THSD4: variants seen among roughly 807,000 people sequenced by gnomAD.
THSD4 encodes the protein thrombospondin type-1 domain-containing protein 4.
Under a neutral mutation model 119.0 loss-of-function variants are expected in THSD4, and 69 were observed. The ratio of observed to expected loss-of-function variants is 0.58; its 90% CI spans 0.48 to 0.71. The LOEUF (loss-of-function observed/expected upper bound fraction) is 0.71, where lower values mean the gene tolerates loss of function less well. Ranked by LOEUF, THSD4 falls within the 30% of genes least tolerant of loss-of-function variation. THSD4 has a pLI of 0.00. For missense variants in THSD4, 1,393 were observed against 1,391.1 expected (o/e 1.00, Z -0.02); for synonymous variants, 524 against 540.4 (o/e 0.97, Z 0.42).
chr15:71,245,149 A>C (rs1028685906), intron 5 of THSD4, among the ~76,000 whole-genome samples: 3 of 152,104 alleles, frequency 2.0e-5, no homozygotes, highest in African/African-American at 4.8e-5. Flanking sequence ...GATGAAGGCA[A>C]AATAAAGCCT....
intron 6 of THSD4, among the ~76,000 whole-genome samples, chr15:71,296,043 G>A (rs1486790708): frequency 1.3e-5 from 2 of 149,888 alleles, no homozygotes; most frequent in East Asian, 1.9e-4. Context: ...TATGTCACAT[G>A]TTATTTATCT....
At chr15:71,350,042 C>G (rs951545202) in intron 6 of THSD4, among the ~76,000 whole-genome samples, 2 of 151,436 alleles carry the variant, frequency 1.3e-5, no homozygotes, top group African/African-American at 4.9e-5. Context: ...ATAATTAAAT[C>G]TCCATCTATA....
At chr15:71,379,521 C>T (rs997680957) in intron 6 of THSD4, among the ~76,000 whole-genome samples, 4 of 122,428 alleles carry the variant, frequency 3.3e-5, no homozygotes, top group African/African-American at 9.4e-5. Flanking sequence ...TGCAGTGGTG[C>T]GATCTCGGCT....
At chr15:71,439,013 T>A (rs8025799) in intron 7 of THSD4, among the ~76,000 whole-genome samples, 2,664 of 152,276 alleles carry the variant, frequency 0.017, 84 homozygotes, top group African/African-American at 0.06. Flanking sequence ...GTAGGCCAGA[T>A]CAAGATCTCA....
chr15:71,532,283 AGTGTGTGTGTGTGTGTGTGT>A (rs1210856261), intron 7 of THSD4, among the ~76,000 whole-genome samples: 4 of 101,574 alleles, frequency 3.9e-5, no homozygotes, highest in Admixed American at 1.1e-4. Context: ...AGAGAGAGAG[AGTGTGTGTGTGTGTGTGTGT>A]GTGTGTGTGT....
rs781547809 is a variant in THSD4, at chr15:71,758,038, C to T, written c.2552C>T (p.Thr851Met). The change falls in exon 15 of 18, where the codon ACG becomes ATG. Residue 851 changes from threonine to methionine, a missense_variant. By Grantham distance (81) the Thr-to-Met change is moderately conservative. Transcript: ENST00000261862. Reference protein sequence around the residue: ...EATPCDNGPCTGKVEWFAGSW... With the variant: ...EATPCDNGPCMGKVEWFAGSW... Reference sequence around the variant, plus strand: ...ACCCCATGTGACAACGGACCCTGCACGGGCAAGGTGGAGTGGTTTGCCGGG... The same window carrying T: ...ACCCCATGTGACAACGGACCCTGCATGGGCAAGGTGGAGTGGTTTGCCGGG... 8 of 1,605,340 alleles carry T rather than the reference C, an allele frequency of 5.0e-6. No individual in the cohort carries two copies. In the South Asian group the frequency reaches 6.7e-5, roughly 13 times the overall value.
intron 1 of THSD4, among the ~76,000 whole-genome samples, chr15:71,097,608 C>G (rs2040236292): frequency 6.7e-6 from 1 of 150,188 alleles, no homozygotes; most frequent in Non-Finnish European, 1.5e-5. Flanking sequence ...AACAAAGAAG[C>G]CTCTTTATTG....
At chr15:71,631,938 C>T (rs1260850213) in intron 7 of THSD4, among the ~76,000 whole-genome samples, 1 of 152,172 alleles carries the variant, frequency 6.6e-6, no homozygotes, top group Non-Finnish European at 1.5e-5. Context: ...GCTTTGGAGT[C>T]ACTACAGTTG....
chr15:71,622,225 T>C (rs916540338), intron 7 of THSD4, among the ~76,000 whole-genome samples: 1 of 152,250 alleles, frequency 6.6e-6, no homozygotes, highest in Non-Finnish European at 1.5e-5. Flanking sequence ...ATCAAAATGT[T>C]CTTTCTATAA....
chr15:71,112,077 A>G, upstream of THSD4: 3 of 1,608,840 alleles, frequency 1.9e-6, no homozygotes, highest in Non-Finnish European at 2.5e-6. Flanking sequence ...CCAGTTCCAC[A>G]TGCCCTGAAC....
intron 6 of THSD4, among the ~76,000 whole-genome samples, chr15:71,318,416 G>A (rs1030452211): frequency 6.6e-6 from 1 of 152,136 alleles, no homozygotes; most frequent in African/African-American, 2.4e-5. Flanking sequence ...TGGGACATTT[G>A]TTCCTTTACC....
chr15:71,575,609 A>G (rs938415180), intron 7 of THSD4, among the ~76,000 whole-genome samples: 5 of 152,166 alleles, frequency 3.3e-5, no homozygotes, highest in African/African-American at 1.2e-4. Flanking sequence ...TCATACCTGG[A>G]AACTGAATTC....
chr15:71,709,080 A>G (rs114814238), intron 8 of THSD4, among the ~76,000 whole-genome samples: 4,311 of 152,310 alleles, frequency 0.028, 207 homozygotes, highest in African/African-American at 0.098. Flanking sequence ...ACTCTGCTAC[A>G]TACTAACCAT....
chr15:71,713,530 T>A (rs2052553812), intron 8 of THSD4, among the ~76,000 whole-genome samples: 1 of 152,220 alleles, frequency 6.6e-6, no homozygotes, highest in South Asian at 2.1e-4. Flanking sequence ...CATGCTCGAA[T>A]GTCTTCCATC....
At chr15:71,112,106 A>G (rs2040309566), upstream of THSD4, 2 of 1,612,992 alleles carry the variant, frequency 1.2e-6, no homozygotes, top group Non-Finnish European at 1.7e-6. Flanking sequence ...GGTTGCTCTC[A>G]GCAGTGAGCC....
intron 6 of THSD4, among the ~76,000 whole-genome samples, chr15:71,279,990 C>T (rs1368245826): frequency 2.0e-5 from 3 of 152,298 alleles, no homozygotes; most frequent in East Asian, 1.9e-4. Flanking sequence ...GAGGTTCCGG[C>T]GAGATGCCAT....
At chr15:71,561,500 C>G (rs1396444811) in intron 7 of THSD4, among the ~76,000 whole-genome samples, 2 of 151,966 alleles carry the variant, frequency 1.3e-5, no homozygotes, top group East Asian at 3.9e-4. Flanking sequence ...AAGTAGAATG[C>G]AAAGTGAGAA....
At chr15:71,600,993 C>T (rs752925913) in intron 7 of THSD4, among the ~76,000 whole-genome samples, 6 of 152,094 alleles carry the variant, frequency 3.9e-5, no homozygotes, top group Non-Finnish European at 7.4e-5. Flanking sequence ...GTGATCCACC[C>T]GTCTTGGCCT....
At chr15:71,236,290 C>A (rs982084257) in intron 4 of THSD4, among the ~76,000 whole-genome samples, 1 of 152,216 alleles carries the variant, frequency 6.6e-6, no homozygotes, top group East Asian at 1.9e-4. Context: ...GGAAGCCCCC[C>A]TATAGCTGCA....
Sources: gnomAD v4.1 joint callset for allele counts (sites outside exome capture counted in the v4.1 genomes callset) on GRCh38, gnomAD v4.1.1 for gene constraint, MANE v1.5 for transcripts, NCBI Gene and HGNC (gene_info 2026-07-23, HGNC 2026-07-21) for gene names.